FHIT: variants seen among roughly 807,000 people sequenced by gnomAD.
The protein encoded by FHIT is fragile histidine triad diadenosine triphosphatase.
Under a neutral mutation model 17.9 loss-of-function variants are expected in FHIT, and 19 were observed. The ratio of observed to expected loss-of-function variants is 1.06; its 90% CI spans 0.74 to 1.56. The LOEUF (loss-of-function observed/expected upper bound fraction) is 1.56. Ranked by LOEUF, FHIT falls within the 40% of genes most tolerant of loss-of-function variation. FHIT has a pLI of 0.00. For missense variants in FHIT, 248 were observed against 189.2 expected, an observed-to-expected ratio of 1.31 and a Z score of -1.82; for synonymous variants, 81 against 69.7, an observed-to-expected ratio of 1.16 and a Z score of -0.81.
At chr3:60,335,133 A>G (rs897431010) in intron 5 of FHIT, among the ~76,000 whole-genome samples, 2 of 152,230 alleles carry the variant, frequency 1.3e-5, no homozygotes, top group African/African-American at 2.4e-5. Flanking sequence ...TTCACACAAG[A>G]TAATCTCTGA....
intron 5 of FHIT, among the ~76,000 whole-genome samples, chr3:60,462,643 A>G (rs2032546437): frequency 6.6e-6 from 1 of 152,166 alleles, no homozygotes; most frequent in African/African-American, 2.4e-5. Flanking sequence ...AAGGGCTTGG[A>G]GAGCAGGAGG....
At chr3:60,059,669 G>A (rs1030549807) in intron 5 of FHIT, among the ~76,000 whole-genome samples, 2 of 152,084 alleles carry the variant, frequency 1.3e-5, no homozygotes, top group Admixed American at 1.3e-4. Context: ...GGTTGCTGCA[G>A]GCCCATATCG....
chr3:60,130,944 C>A (rs1446124111), intron 5 of FHIT, among the ~76,000 whole-genome samples: 2 of 126,286 alleles, frequency 1.6e-5, no homozygotes, highest in Admixed American at 7.7e-5. Flanking sequence ...TATATATATA[C>A]ATATGTGACA....
intron 8 of FHIT, among the ~76,000 whole-genome samples, chr3:59,824,419 T>C (rs764784861): frequency 3.2e-4 from 49 of 152,256 alleles, no homozygotes; most frequent in Non-Finnish European, 5.6e-4. Context: ...CAACAGCACA[T>C]GCTAGGTGTC....
intron 4 of FHIT, among the ~76,000 whole-genome samples, chr3:60,701,675 G>A (rs1036531091): frequency 1.9e-4 from 29 of 152,150 alleles, no homozygotes; most frequent in African/African-American, 7.0e-4. Flanking sequence ...TTTTCCAATA[G>A]TGATGTTTCC....
intron 2 of FHIT, among the ~76,000 whole-genome samples, chr3:61,182,523 G>T (rs59406667): frequency 0.14 from 21,386 of 152,074 alleles, 1,612 homozygotes; most frequent in South Asian, 0.22. Flanking sequence ...GAAGGAAACT[G>T]AAAAGATTTC....
chr3:60,543,275 A>T (rs182387380), intron 4 of FHIT, among the ~76,000 whole-genome samples: 8 of 152,282 alleles, frequency 5.3e-5, no homozygotes, highest in African/African-American at 1.4e-4. Flanking sequence ...GGAGTTTGCC[A>T]GCTCCTGCTG....
chr3:60,494,257 T>C (rs113419465), intron 5 of FHIT, among the ~76,000 whole-genome samples: 2 of 152,222 alleles, frequency 1.3e-5, no homozygotes, highest in African/African-American at 4.8e-5. Context: ...CTGCTACCTC[T>C]ATGACTTTGC....
At chr3:61,140,171 C>T (rs957000917) in intron 2 of FHIT, among the ~76,000 whole-genome samples, 2 of 152,142 alleles carry the variant, frequency 1.3e-5, no homozygotes, top group Admixed American at 1.3e-4. Context: ...ACACTCTGAA[C>T]TTATTCAGTC....
At chr3:60,309,105 C>G (rs1346728875) in intron 5 of FHIT, among the ~76,000 whole-genome samples, 1 of 152,068 alleles carries the variant, frequency 6.6e-6, no homozygotes, top group African/African-American at 2.4e-5. Flanking sequence ...TAAGTGATTG[C>G]TCTGTAGTTC....
At chr3:59,793,559 C>G (rs559025454) in intron 8 of FHIT, among the ~76,000 whole-genome samples, 163 of 151,020 alleles carry the variant, frequency 1.1e-3, no homozygotes, top group African/African-American at 4.0e-3. Flanking sequence ...AACCTTCCCC[C>G]TCTTCCCCTC....
chr3:60,638,047 G>A (rs1228623535), intron 4 of FHIT, among the ~76,000 whole-genome samples: 2 of 152,174 alleles, frequency 1.3e-5, no homozygotes, highest in Non-Finnish European at 1.5e-5. Context: ...GTGGTAGAAT[G>A]AAATAGATCA....
chr3:60,285,592 A>G (rs1409314882), intron 5 of FHIT, among the ~76,000 whole-genome samples: 3 of 152,154 alleles, frequency 2.0e-5, no homozygotes, highest in African/African-American at 7.2e-5. Flanking sequence ...GAGATTTTTC[A>G]GGCATAATTA....
chr3:60,129,051 TTG>T lies in FHIT; in HGVS notation c.104-114901_104-114900del, dbSNP rs1281352775. ...TCCCTTTTCTTCTTTCCTTTTTTGT[TTG>T]TTTTTTTTTTTTTTTTTGAAACAGA... is the stretch of plus-strand genomic sequence containing the variant. On this transcript the variant is annotated intron_variant, in intron 5 of 9. Transcript: ENST00000492590. Among the ~76,000 whole-genome samples the T allele has an allele frequency of 1.7e-4, 15 of 87,210 alleles. 1 individual carries two copies. Among genetic ancestry groups the T allele is most frequent in the African/African-American group, 8.1e-4 (13 of 15,976 alleles). The allele number at this position is 87,210 out of a possible 152,430, so 57.2% of individuals were successfully genotyped here.
chr3:61,111,946 G>A (rs993915187), intron 2 of FHIT, among the ~76,000 whole-genome samples: 2 of 152,184 alleles, frequency 1.3e-5, no homozygotes, highest in African/African-American at 4.8e-5. Context: ...CTCAGTACTT[G>A]CCAGCCTCTA....
chr3:60,445,029 C>A (rs1247220289), intron 5 of FHIT, among the ~76,000 whole-genome samples: 1 of 152,110 alleles, frequency 6.6e-6, no homozygotes, highest in African/African-American at 2.4e-5. Flanking sequence ...TGATGGGGCA[C>A]TATGGCCTCA....
At chr3:60,444,029 G>A (rs2031131465) in intron 5 of FHIT, among the ~76,000 whole-genome samples, 1 of 152,108 alleles carries the variant, frequency 6.6e-6, no homozygotes, top group Non-Finnish European at 1.5e-5. Flanking sequence ...AAAACTGGGT[G>A]AAGGATATGA....
At chr3:60,229,782 C>T (rs1704402940) in intron 5 of FHIT, among the ~76,000 whole-genome samples, 5 of 152,164 alleles carry the variant, frequency 3.3e-5, no homozygotes, top group African/African-American at 7.2e-5. Context: ...GCATTGAAGA[C>T]TGGCCTGGGA....
intron 5 of FHIT, among the ~76,000 whole-genome samples, chr3:60,445,466 AAAG>A (rs1182950969): frequency 3.5e-5 from 5 of 144,298 alleles, no homozygotes; most frequent in East Asian, 3.9e-4. Flanking sequence ...ACTTTTATAA[AAAG>A]AAGAAGAAGA....
Sources: allele counts gnomAD v4.1 joint callset (sites outside exome capture counted in the v4.1 genomes callset), GRCh38; gene constraint gnomAD v4.1.1; transcripts MANE v1.5; gene names NCBI Gene and HGNC (gene_info 2026-07-23, HGNC 2026-07-21).